Variants in PCDHGB5 observed in about 807,000 individuals in gnomAD.
The protein encoded by PCDHGB5 is protocadherin gamma-B5.
PCDHGB5 carries 48 observed loss-of-function variants against 62.9 expected under a neutral mutation model. That is an observed-to-expected ratio of 0.76 (90% CI 0.61 to 0.97). PCDHGB5 has a LOEUF of 0.97. PCDHGB5 is among the 50% of genes least tolerant of loss of function. PCDHGB5 has a pLI of 0.00. For missense variants in PCDHGB5, 1,118 were observed against 1,198.6 expected (o/e 0.93, Z 0.99); for synonymous variants, 474 against 511.2 (o/e 0.93, Z 0.98).
At chr5:141,418,347 G>A in intron 1 of PCDHGB5, 1 of 1,614,024 alleles carries the variant, frequency 6.2e-7, no homozygotes, top group Non-Finnish European at 8.5e-7. Flanking sequence ...CCTGATATTA[G>A]TATGAATTCG....
chr5:141,414,209 A>G (rs2095719803), intron 1 of PCDHGB5: 3 of 1,612,712 alleles, frequency 1.9e-6, no homozygotes, highest in South Asian at 2.2e-5. Flanking sequence ...GAAGATGTAA[A>G]TGACAACAGT....
At chr5:141,418,000 G>T in intron 1 of PCDHGB5, 1 of 1,613,902 alleles carries the variant, frequency 6.2e-7, no homozygotes, top group Non-Finnish European at 8.5e-7. Context: ...GCTCGGTGGT[G>T]GGGAACCTCG....
intron 1 of PCDHGB5, among the ~76,000 whole-genome samples, chr5:141,461,958 G>C (rs1048690044): frequency 4.5e-4 from 69 of 152,272 alleles, no homozygotes; most frequent in Non-Finnish European, 2.9e-4. Context: ...TGAGTAGCTG[G>C]GATTCCAGGC....
In PCDHGB5 at chr5:141,490,442, A is replaced by T. The variant is rs757900187; in HGVS notation, c.2398-4365A>T. On this transcript the variant is annotated intron_variant, in intron 1 of 3. Transcript: ENST00000617380. The surrounding 1 kb of genome is among the most constrained non-coding windows in gnomAD (Gnocchi z 5.4). ...CTGCCATTTCAGATTAAGCCTTCTG[A>T]GAACCACTACTCGCTGCTAACCAGC... 16 of 1,614,092 alleles carry T rather than the reference A, an allele frequency of 9.9e-6. No individual in the cohort carries two copies. Among genetic ancestry groups the T allele is most frequent in the Non-Finnish European group, 1.2e-5 (14 of 1,180,044 alleles).
chr5:141,453,022 T>C (rs1222692572), intron 1 of PCDHGB5, among the ~76,000 whole-genome samples: 1 of 152,230 alleles, frequency 6.6e-6, no homozygotes, highest in Non-Finnish European at 1.5e-5. Flanking sequence ...ATGTGATTCA[T>C]TAAAATAAAG....
At chr5:141,409,729 G>A (rs781234442) in intron 1 of PCDHGB5, 161 of 1,612,966 alleles carry the variant, frequency 1.0e-4, no homozygotes, top group Non-Finnish European at 1.7e-6. Context: ...CAGTGAGCGC[G>A]CAGAGCGGGG....
intron 1 of PCDHGB5, among the ~76,000 whole-genome samples, chr5:141,474,970 A>C (rs1309289477): frequency 6.6e-6 from 1 of 152,212 alleles, no homozygotes; most frequent in Admixed American, 6.5e-5. Context: ...TAATCATTAT[A>C]ATTTTGTTTG....
intron 3 of PCDHGB5, 67 bp from the exon 4 acceptor site, chr5:141,510,880 G>A (rs373993657): frequency 1.9e-6 from 3 of 1,611,784 alleles, no homozygotes; most frequent in Admixed American, 3.3e-5. Context: ...AACTGCTGGG[G>A]ATATAAGACA....
intron 1 of PCDHGB5, among the ~76,000 whole-genome samples, chr5:141,439,104 A>G (rs924055175): frequency 6.6e-6 from 1 of 151,676 alleles, no homozygotes; most frequent in African/African-American, 2.4e-5. Flanking sequence ...GAGGCAAGAG[A>G]ATCACTTGAA....
At chr5:141,419,922 T>C (rs761868361) in intron 1 of PCDHGB5, 1 of 1,614,090 alleles carries the variant, frequency 6.2e-7, no homozygotes, top group South Asian at 1.1e-5. Flanking sequence ...CAGGCTGAGA[T>C]GCAGTTTTAC....
intron 1 of PCDHGB5, among the ~76,000 whole-genome samples, chr5:141,444,472 C>T (rs559334960): frequency 2.1e-4 from 32 of 151,968 alleles, no homozygotes; most frequent in Admixed American, 1.5e-3. Flanking sequence ...CGCCCGGTCG[C>T]GTACTGGATT....
chr5:141,470,748 A>C (rs1163686396), intron 1 of PCDHGB5, among the ~76,000 whole-genome samples: 1 of 152,106 alleles, frequency 6.6e-6, no homozygotes. Flanking sequence ...CCCTGGCTGG[A>C]GTGCAGTGGA....
chr5:141,414,783 G>C, intron 1 of PCDHGB5: 2 of 1,614,220 alleles, frequency 1.2e-6, no homozygotes, highest in Non-Finnish European at 1.7e-6. Context: ...AGATGCAGGT[G>C]ACAGCCAGCG....
At position 141,431,276 on chromosome 5, in the gene PCDHGB5, A is replaced by T; in HGVS notation, c.2397+30752A>T. 6.2e-7 allele frequency: 1 copy of T among 1,614,176 alleles called. No individual in the cohort carries two copies. Among genetic ancestry groups the T allele is most frequent in the South Asian group, 1.1e-5 (1 of 91,084 alleles). ...GAACTCTCTGCAGAGCTACGAGCTC[A>T]GCCCGAACACTCACTTCTCCCTCAT... is the stretch of plus-strand genomic sequence containing the variant. On this transcript the variant is annotated intron_variant, in intron 1 of 3. Transcript: ENST00000617380. The surrounding 1 kb of genome is among the most constrained non-coding windows in gnomAD (Gnocchi z 4.8).
intron 1 of PCDHGB5, chr5:141,403,280 G>GT: frequency 6.2e-7 from 1 of 1,613,894 alleles, no homozygotes; most frequent in Non-Finnish European, 8.5e-7. Flanking sequence ...TAAAGTCCTG[G>GT]TTGAAGACAG....
chr5:141,487,884 A>G lies in PCDHGB5; in HGVS notation c.2398-6923A>G. 1.3e-6 allele frequency: 1 copy of G among 766,716 alleles called. No homozygotes were observed. Among genetic ancestry groups the G allele is most frequent in the Non-Finnish European group, 2.1e-6 (1 of 481,170 alleles). 47.5% of individuals were successfully genotyped at this position (766,716 alleles called of 1,614,324 possible). On this transcript the variant is annotated intron_variant, in intron 1 of 3. Transcript: ENST00000617380. The surrounding 1 kb of genome is among the most constrained non-coding windows in gnomAD (Gnocchi z 5.0). ...GTGATCAAGAGCCAGGCTGTTGTGG[A>G]AGCATGATGATGGAATGTGGGAGCA...
rs765690531 is a variant in PCDHGB5, at chr5:141,404,329, C to T, written c.2397+3805C>T. 6.8e-5 allele frequency: 110 copies of T among 1,613,772 alleles called. No homozygotes were observed. The East Asian group carries it at 2.4e-3, about 36-fold the overall frequency. On this transcript the variant is annotated intron_variant, in intron 1 of 3. Coordinates refer to ENST00000617380, the MANE Select transcript of PCDHGB5 (RefSeq NM_018925.3). ...CTTTCTCTCAAGCCTCCTACTCAGTCTACCTCCCGGAAAACAACGCCAGAG... is the reference window on the plus strand; with the variant it reads ...CTTTCTCTCAAGCCTCCTACTCAGTTTACCTCCCGGAAAACAACGCCAGAG...
intron 1 of PCDHGB5, chr5:141,428,275 G>A (rs566455986): frequency 6.5e-6 from 5 of 767,218 alleles, no homozygotes; most frequent in African/African-American, 3.4e-5. Context: ...TGTGCCCTCT[G>A]ATTCCCAAGC....
Position 141,456,380 on chromosome 5 carries a change from C to T in PCDHGB5, c.2398-38427C>T, listed in dbSNP as rs186993611. ...CCATGTGTGGTTCAGTTTACAGCAC[C>T]GTTTGGAGTTTGATTGCTTCTAGGC... is the stretch of plus-strand genomic sequence containing the variant. On this transcript the variant is annotated intron_variant, in intron 1 of 3. Coordinates refer to ENST00000617380, the MANE Select transcript of PCDHGB5 (RefSeq NM_018925.3). Among the ~76,000 whole-genome samples, 427 of 152,082 alleles carry T rather than the reference C, an allele frequency of 2.8e-3. 1 individual carries two copies. Among genetic ancestry groups the T allele is most frequent in the Non-Finnish European group, 2.7e-3 (184 of 68,004 alleles).
Sources: allele counts gnomAD v4.1 joint callset (sites outside exome capture counted in the v4.1 genomes callset), GRCh38; gene constraint gnomAD v4.1.1; non-coding constraint Gnocchi (gnomAD v3.1); transcripts MANE v1.5; gene names NCBI Gene and HGNC (gene_info 2026-07-23, HGNC 2026-07-21).